Variants in ATP8A1 observed in about 807,000 individuals in gnomAD.
The protein encoded by ATP8A1 is ATPase phospholipid transporting 8A1, also known as phospholipid-transporting ATPase IA.
ATP8A1 carries 90 observed loss-of-function variants against 177.7 expected under a neutral mutation model. The ratio of observed to expected loss-of-function variants is 0.51; its 90% confidence interval spans 0.43 to 0.60. The LOEUF (loss-of-function observed/expected upper bound fraction) is 0.60, where lower values mean the gene tolerates loss of function less well. ATP8A1 is among the 20% of genes least tolerant of loss of function. ATP8A1 has a pLI of 0.00. For missense variants in ATP8A1, 1,072 were observed against 1,392.8 expected, an observed-to-expected ratio of 0.77 and a Z score of 3.67; for synonymous variants, 493 against 485.9, an observed-to-expected ratio of 1.01 and a Z score of -0.19.
At chr4:42,486,819 A>G (rs185998364) in intron 24 of ATP8A1, among the ~76,000 whole-genome samples, 1 of 152,212 alleles carries the variant, frequency 6.6e-6, no homozygotes, top group Admixed American at 6.5e-5. Context: ...ATAACAGGCT[A>G]TAAGGGCTTG....
At chr4:42,451,584 A>G (rs1018822772) in intron 30 of ATP8A1, among the ~76,000 whole-genome samples, 66 of 152,332 alleles carry the variant, frequency 4.3e-4, no homozygotes, top group African/African-American at 1.6e-3. Context: ...ACATTGGCTC[A>G]AGTATACTTC....
At chr4:42,605,655 C>A (rs1735726068) in intron 5 of ATP8A1, among the ~76,000 whole-genome samples, 1 of 152,166 alleles carries the variant, frequency 6.6e-6, no homozygotes, top group South Asian at 2.1e-4. Flanking sequence ...TGCTCATTTT[C>A]CCTCAACCTT....
intron 22 of ATP8A1, among the ~76,000 whole-genome samples, chr4:42,516,733 A>G (rs1335656899): frequency 6.6e-6 from 1 of 152,254 alleles, no homozygotes; most frequent in African/African-American, 2.4e-5. Flanking sequence ...CTTCTATACT[A>G]TTAATTTTCA....
chr4:42,482,349 AAAG>A (rs1323727864), intron 25 of ATP8A1, among the ~76,000 whole-genome samples: 1 of 152,020 alleles, frequency 6.6e-6, no homozygotes, highest in East Asian at 1.9e-4. Flanking sequence ...AAAAAAAAGA[AAAG>A]AAAATACAGT....
chr4:42,594,317 G>T (rs1191041058), intron 6 of ATP8A1: 2 of 1,603,842 alleles, frequency 1.2e-6, no homozygotes, highest in Non-Finnish European at 1.7e-6. Context: ...GTGTCAGCAG[G>T]TATATACTCT....
chr4:42,627,931 T>A (rs1577730619), intron 1 of ATP8A1, among the ~76,000 whole-genome samples: 1 of 152,300 alleles, frequency 6.6e-6, no homozygotes, highest in East Asian at 1.9e-4. Context: ...TCTTCTGAAG[T>A]GTTCTATGAT....
intron 20 of ATP8A1, among the ~76,000 whole-genome samples, chr4:42,527,164 G>C (rs1163936820): frequency 6.6e-6 from 1 of 152,208 alleles, no homozygotes; most frequent in African/African-American, 2.4e-5. Context: ...AATCTGCTAA[G>C]ACTGCCCTGA....
intron 10 of ATP8A1, among the ~76,000 whole-genome samples, chr4:42,580,208 AAAG>A (rs1732890218): frequency 6.6e-6 from 1 of 152,218 alleles, no homozygotes; most frequent in South Asian, 2.1e-4. Context: ...AAACTATAAG[AAAG>A]AAGAGAACGA....
At chr4:42,530,146 G>A (rs1281187185) in intron 20 of ATP8A1, among the ~76,000 whole-genome samples, 1 of 152,152 alleles carries the variant, frequency 6.6e-6, no homozygotes, top group East Asian at 1.9e-4. Flanking sequence ...TTACCCAATG[G>A]GCCCATGAAC....
At chr4:42,447,244 C>T (rs1376318736) in intron 30 of ATP8A1, among the ~76,000 whole-genome samples, 1 of 152,032 alleles carries the variant, frequency 6.6e-6, no homozygotes, top group Non-Finnish European at 1.5e-5. Context: ...AGTGCAGTGG[C>T]GTGATCTCGG....
At chr4:42,452,470 C>T (rs1284481415) in intron 29 of ATP8A1, among the ~76,000 whole-genome samples, 1 of 152,154 alleles carries the variant, frequency 6.6e-6, no homozygotes, top group Admixed American at 6.5e-5. Flanking sequence ...TGTAAGCTTT[C>T]CAATGCTAAA....
intron 15 of ATP8A1, among the ~76,000 whole-genome samples, chr4:42,564,643 C>T (rs946072854): frequency 1.3e-5 from 2 of 152,194 alleles, no homozygotes; most frequent in Non-Finnish European, 2.9e-5. Flanking sequence ...CCCATTGTAT[C>T]TAGGAAGTAA....
At chr4:42,549,650 T>C (rs1370935151) in intron 18 of ATP8A1, among the ~76,000 whole-genome samples, 1 of 151,580 alleles carries the variant, frequency 6.6e-6, no homozygotes, top group Middle Eastern at 3.4e-3. Flanking sequence ...AAAAAAAATA[T>C]CAGGTGCGGT....
chr4:42,495,554 C>T (rs79998597), intron 24 of ATP8A1, among the ~76,000 whole-genome samples: 2,179 of 152,178 alleles, frequency 0.014, 60 homozygotes, highest in African/African-American at 0.05. Context: ...GACGTGGTTC[C>T]CCTGCAACCC....
At chr4:42,462,071 T>C (rs1178936278) in intron 27 of ATP8A1, among the ~76,000 whole-genome samples, 1 of 152,196 alleles carries the variant, frequency 6.6e-6, no homozygotes, top group Non-Finnish European at 1.5e-5. Flanking sequence ...TTGGGTGCTG[T>C]TAAAGGCATT....
Position 42,430,679 on chromosome 4 carries a change from T to C in ATP8A1, c.3124-6974A>G, listed in dbSNP as rs564166947. Among the ~76,000 whole-genome samples, 5 of 152,212 alleles carry C rather than the reference T, an allele frequency of 3.3e-5. No homozygotes were observed. In the South Asian group the frequency reaches 1.0e-3, roughly 32 times the overall value. ...AGTGTGTGTTGCTCCCCTCTACGTGTCCATGTGTTGTCATCATTTAGCTCC... is the reference window on the plus strand; with the variant it reads ...AGTGTGTGTTGCTCCCCTCTACGTGCCCATGTGTTGTCATCATTTAGCTCC... On this transcript the variant is annotated intron_variant, in intron 33 of 36. Coordinates refer to ENST00000381668, the MANE Select transcript of ATP8A1 (RefSeq NM_006095.2).
intron 1 of ATP8A1, among the ~76,000 whole-genome samples, chr4:42,644,111 A>G (rs945212099): frequency 2.6e-5 from 4 of 152,196 alleles, no homozygotes; most frequent in Non-Finnish European, 4.4e-5. Flanking sequence ...AGCTGAACAT[A>G]TGGAAAAATA....
At chr4:42,435,450 C>CAA (rs11306070) in intron 33 of ATP8A1, among the ~76,000 whole-genome samples, 1 of 116,968 alleles carries the variant, frequency 8.5e-6, no homozygotes, top group African/African-American at 3.3e-5. Flanking sequence ...AAAAAAAAAA[C>CAA]AAAAAAAAAA....
In ATP8A1 at chr4:42,597,254, C is replaced by CT. The variant is rs1283626414; in HGVS notation, c.450+3223dup. Among the ~76,000 whole-genome samples, 3 of 152,156 alleles carry CT rather than the reference C, an allele frequency of 2.0e-5. No individual in the cohort carries two copies. In the East Asian group the frequency reaches 5.8e-4, roughly 29 times the overall value. ...ATTACCTTGGCATGTAGACGACACT[C>CT]TTGGTTTTGGTTTATTGATTTTATT... On this transcript the variant is annotated intron_variant, in intron 6 of 36. Coordinates refer to ENST00000381668, the MANE Select transcript of ATP8A1 (RefSeq NM_006095.2).
Sources: gnomAD v4.1 joint callset for allele counts (sites outside exome capture counted in the v4.1 genomes callset) on GRCh38, gnomAD v4.1.1 for gene constraint, MANE v1.5 for transcripts, NCBI Gene and HGNC (gene_info 2026-07-23, HGNC 2026-07-21) for gene names.